Variants in ADAMTS17 observed in about 807,000 individuals in gnomAD.
ADAMTS17 encodes the protein A disintegrin and metalloproteinase with thrombospondin motifs 17.
A neutral mutation model predicts 141.5 loss-of-function variants in ADAMTS17; 113 were observed. The ratio of observed to expected loss-of-function variants is 0.80; its 90% CI spans 0.69 to 0.93. ADAMTS17 has a LOEUF of 0.93. Ranked by LOEUF, ADAMTS17 falls within the 40% of genes least tolerant of loss-of-function variation. The pLI is 0.00. For missense variants in ADAMTS17, 1,659 were observed against 1,517.9 expected (o/e 1.09, Z -1.54); for synonymous variants, 768 against 630.6 (o/e 1.22, Z -3.27).
rs192378494 is a variant in ADAMTS17, at chr15:100,192,649, C to T, written c.1181+6669G>A. On this transcript the variant is annotated intron_variant, in intron 8 of 21. Transcript: ENST00000268070. ...TGACTGTCTGCTGGTGGGTTGCCTG[C>T]TTGCCTAGATCTGTCCTGGGTCCAT... Among the ~76,000 whole-genome samples, 102 of 152,320 alleles carry T rather than the reference C, an allele frequency of 6.7e-4. No homozygotes were observed. In the East Asian group the frequency reaches 0.012, roughly 18 times the overall value.
At chr15:100,293,674 C>T (rs2142139336) in intron 3 of ADAMTS17, among the ~76,000 whole-genome samples, 1 of 152,280 alleles carries the variant, frequency 6.6e-6, no homozygotes, top group African/African-American at 2.4e-5. Flanking sequence ...AGCTCTCCTC[C>T]TCCAGGCTAC....
chr15:99,986,409 G>A (rs2060587011), intron 20 of ADAMTS17, among the ~76,000 whole-genome samples: 1 of 152,084 alleles, frequency 6.6e-6, no homozygotes, highest in African/African-American at 2.4e-5. Context: ...TTCCTCCTAG[G>A]GCTCAGAGCA....
intron 4 of ADAMTS17, among the ~76,000 whole-genome samples, chr15:100,265,989 C>T (rs527291057): frequency 6.6e-6 from 1 of 152,326 alleles, no homozygotes; most frequent in East Asian, 1.9e-4. Flanking sequence ...AGTGCTCTAG[C>T]ACTATGCTAG....
intron 7 of ADAMTS17, 90 bp downstream of exon 7, chr15:100,254,046 G>A: frequency 4.7e-6 from 6 of 1,275,570 alleles, no homozygotes; most frequent in Non-Finnish European, 5.7e-6. Context: ...GTGCTTGTTT[G>A]AGGACAGCTC....
rs79326030 is a variant in ADAMTS17, at chr15:100,204,799, G to A, written c.1076-5376C>T. Among the ~76,000 whole-genome samples, 16 of 152,298 alleles carry A rather than the reference G, an allele frequency of 1.1e-4. No homozygotes were observed. In the East Asian group the frequency reaches 2.9e-3, roughly 28 times the overall value. ...CCTAACCTCTTACAACAGAAGAGTA[G>A]CTGAGGCGGAAGGGGCTGGGAGTGA... On this transcript the variant is annotated intron_variant, in intron 7 of 21. Transcript: ENST00000268070.
chr15:100,239,410 C>T (rs1391185665), intron 7 of ADAMTS17, among the ~76,000 whole-genome samples: 5 of 152,172 alleles, frequency 3.3e-5, no homozygotes, highest in African/African-American at 7.2e-5. Context: ...GCAGGGATAC[C>T]GCAGTCGACC....
At chr15:100,004,042 G>A (rs1041674729) in intron 18 of ADAMTS17, among the ~76,000 whole-genome samples, 1 of 152,256 alleles carries the variant, frequency 6.6e-6, no homozygotes, top group Non-Finnish European at 1.5e-5. Flanking sequence ...ACAATTAAAA[G>A]AATGATGTCA....
intron 7 of ADAMTS17, among the ~76,000 whole-genome samples, chr15:100,213,328 G>A (rs1252179427): frequency 6.6e-6 from 1 of 152,118 alleles, no homozygotes; most frequent in Non-Finnish European, 1.5e-5. Flanking sequence ...TTGATAAGAG[G>A]AAAAACATGA....
At chr15:100,051,467 C>A in intron 17 of ADAMTS17, 105 bp downstream of exon 17, 4 of 1,499,298 alleles carry the variant, frequency 2.7e-6, no homozygotes, top group Non-Finnish European at 3.7e-6. Context: ...TCCCATGGAG[C>A]TACAGGTTGC....
intron 7 of ADAMTS17, among the ~76,000 whole-genome samples, chr15:100,219,578 T>G (rs967067941): frequency 5.3e-5 from 8 of 152,222 alleles, no homozygotes; most frequent in Non-Finnish European, 1.0e-4. Context: ...ACCCAGTGTT[T>G]GATCCCAGTT....
In ADAMTS17 at chr15:100,109,092, G is replaced by T; in HGVS notation, c.1913C>A (p.Ser638Ter). 1 of 1,613,436 alleles carries T rather than the reference G, an allele frequency of 6.2e-7. No individual in the cohort carries two copies. The highest frequency in any genetic ancestry group is 8.5e-7 in the Non-Finnish European group (1 of 1,179,714). ...CAGTGGGGACTCCTTCCCGAGGGGC[G>T]AGCAGTAGAGTTCACATGGCTTATC... ...VDDKPCELYC[S>*]PLGKESPLLV... is the part of the protein sequence containing the mutation. Residue 638 changes from serine (S) to a stop codon, truncating the protein, a stop_gained, in exon 14 of 22, where the codon TCG becomes TAG. Coordinates refer to ENST00000268070, the MANE Select transcript of ADAMTS17 (RefSeq NM_139057.4). LOFTEE classifies it high-confidence loss of function.
rs553689600 is a variant in ADAMTS17 at position 100,243,546 on chromosome 15, T to G, written c.1075+10590A>C. 1.8e-4 allele frequency among the ~76,000 whole-genome samples: 27 copies of G among 152,244 alleles called. 1 individual carries two copies. The highest frequency in any genetic ancestry group is 5.8e-4 in the African/African-American group (24 of 41,554). ...GGCTCACGCCAGTAATCCTAATACTTTGGGAGGCCAAGGAGGGTGGATCAC... is the reference window on the plus strand; with the variant it reads ...GGCTCACGCCAGTAATCCTAATACTGTGGGAGGCCAAGGAGGGTGGATCAC... On this transcript the variant is annotated intron_variant, in intron 7 of 21. Coordinates refer to ENST00000268070, the MANE Select transcript of ADAMTS17 (RefSeq NM_139057.4).
At chr15:100,038,082 T>G (rs185913817) in intron 18 of ADAMTS17, among the ~76,000 whole-genome samples, 2 of 152,228 alleles carry the variant, frequency 1.3e-5, no homozygotes, top group Non-Finnish European at 2.9e-5. Context: ...TTCTCTTGCA[T>G]GTGGATAGCT....
intron 7 of ADAMTS17, among the ~76,000 whole-genome samples, chr15:100,237,711 C>A (rs2042703018): frequency 6.6e-6 from 1 of 152,176 alleles, no homozygotes; most frequent in South Asian, 2.1e-4. Context: ...GCAACCTCCG[C>A]CTCCCAGGTT....
chr15:100,318,784 G>C (rs150218433), intron 3 of ADAMTS17, among the ~76,000 whole-genome samples: 1,947 of 152,292 alleles, frequency 0.013, 18 homozygotes, highest in Non-Finnish European at 0.019. Context: ...GCAGTTGTTG[G>C]GCTCAAATAT....
At chr15:100,297,590 G>C (rs534603866) in intron 3 of ADAMTS17, among the ~76,000 whole-genome samples, 5 of 152,284 alleles carry the variant, frequency 3.3e-5, no homozygotes, top group African/African-American at 9.6e-5. Flanking sequence ...GGATGAATGG[G>C]GGGACCAGTC....
chr15:100,077,360 G>A (rs575728089), intron 15 of ADAMTS17, among the ~76,000 whole-genome samples: 1 of 150,218 alleles, frequency 6.7e-6, no homozygotes, highest in Non-Finnish European at 1.5e-5. Flanking sequence ...TACTCAGGAG[G>A]CTGAGGCACG....
chr15:100,266,578 C>A (rs1281639545), intron 4 of ADAMTS17, among the ~76,000 whole-genome samples: 1 of 152,226 alleles, frequency 6.6e-6, no homozygotes, highest in Non-Finnish European at 1.5e-5. Flanking sequence ...CTGGCCTCCC[C>A]GCCTGCAAGG....
intron 7 of ADAMTS17, among the ~76,000 whole-genome samples, chr15:100,236,408 A>C (rs1393088712): frequency 6.6e-6 from 1 of 152,084 alleles, no homozygotes; most frequent in African/African-American, 2.4e-5. Context: ...CACCGAATGC[A>C]AACATCTGGG....
Sources: allele counts gnomAD v4.1 joint callset (sites outside exome capture counted in the v4.1 genomes callset), GRCh38; gene constraint gnomAD v4.1.1; transcripts MANE v1.5; gene names NCBI Gene and HGNC (gene_info 2026-07-23, HGNC 2026-07-21).